Variants in ADAMTS20 observed in about 807,000 individuals in gnomAD.
ADAMTS20 encodes the protein A disintegrin and metalloproteinase with thrombospondin motifs 20.
A neutral mutation model predicts 260.1 loss-of-function variants in ADAMTS20; 225 were observed. The observed-to-expected ratio is 0.87, with a 90% CI of 0.78 to 0.97. The LOEUF is 0.97. Ranked by LOEUF, ADAMTS20 falls within the 50% of genes least tolerant of loss-of-function variation. ADAMTS20 has a pLI of 0.00. For synonymous variants in ADAMTS20, 802 were observed against 769.5 expected, an observed-to-expected ratio of 1.04 and a Z score of -0.70; for missense variants, 2,400 against 2,337.7, an observed-to-expected ratio of 1.03 and a Z score of -0.55.
chr12:43,375,500 T>A lies in ADAMTS20; in HGVS notation c.5325A>T (p.Pro1775=). The change falls in exon 36 of 39, where the codon CCA becomes CCT. Residue 1775 remains proline, a synonymous_variant. Transcript: ENST00000389420. ...TACTCCCATTAAAAGGACATTGATA[T>A]GGATTTTTTAGTCTGTAACAACATT... The part of the protein sequence containing the change: ...SEVYGFRLKN[P]YQCPFNGSRR... 6.2e-7 allele frequency: 1 copy of A among 1,613,378 alleles called. No individual in the cohort carries two copies. Among genetic ancestry groups the A allele is most frequent in the Non-Finnish European group, 8.5e-7 (1 of 1,179,538 alleles).
chr12:43,459,388 T>C (rs1462961030), intron 11 of ADAMTS20, among the ~76,000 whole-genome samples: 1 of 152,216 alleles, frequency 6.6e-6, no homozygotes, highest in African/African-American at 2.4e-5. Flanking sequence ...CCATGACCCA[T>C]GGCTTCTAAC....
rs1300547848 is a variant in ADAMTS20 at position 43,468,595 on chromosome 12, C to T, written c.1223+5G>A. The T allele has an allele frequency of 1.3e-6, 2 of 1,568,034 alleles. No homozygotes were observed. Among genetic ancestry groups the T allele is most frequent in the Non-Finnish European group, 1.7e-6 (2 of 1,145,198 alleles). The stretch of plus-strand genomic sequence containing the variant: ...CACATTAAGGAGGTGACAGAAGGTA[C>T]TTACGTGTGCCCAAGCTCATGGGCT... On this transcript the variant is annotated splice_donor_5th_base_variant and intron_variant, in intron 8 of 38. Coordinates refer to ENST00000389420, the MANE Select transcript of ADAMTS20 (RefSeq NM_025003.5).
chr12:43,422,621 A>G (rs547232879), intron 28 of ADAMTS20, among the ~76,000 whole-genome samples: 12 of 152,164 alleles, frequency 7.9e-5, no homozygotes, highest in African/African-American at 2.2e-4. Context: ...TTCTATACAA[A>G]CCTTTATTGT....
At chr12:43,538,636 G>A (rs1943329881) in intron 2 of ADAMTS20, among the ~76,000 whole-genome samples, 1 of 152,104 alleles carries the variant, frequency 6.6e-6, no homozygotes, top group African/African-American at 2.4e-5. Context: ...TCTTGTAGTA[G>A]TTTAATAGTT....
At chr12:43,358,600 A>T (rs1306405423) in intron 37 of ADAMTS20, among the ~76,000 whole-genome samples, 2 of 151,932 alleles carry the variant, frequency 1.3e-5, no homozygotes, top group Non-Finnish European at 2.9e-5. Context: ...GCACTTTGGG[A>T]GGCCGAGACG....
At chr12:43,460,468 T>C (rs1322595439) in intron 11 of ADAMTS20, among the ~76,000 whole-genome samples, 2 of 152,092 alleles carry the variant, frequency 1.3e-5, no homozygotes, top group Admixed American at 6.6e-5. Flanking sequence ...TACAGAGTAA[T>C]TGGAACTTTA....
At chr12:43,404,074 T>A (rs1213855595) in intron 28 of ADAMTS20, among the ~76,000 whole-genome samples, 9 of 152,008 alleles carry the variant, frequency 5.9e-5, no homozygotes, top group Non-Finnish European at 1.2e-4. Flanking sequence ...CTTACAGAAT[T>A]TTTTTAGCAT....
intron 28 of ADAMTS20, among the ~76,000 whole-genome samples, chr12:43,406,274 C>A (rs1201537705): frequency 6.6e-6 from 1 of 152,036 alleles, no homozygotes; most frequent in East Asian, 1.9e-4. Context: ...TATCAGTGAA[C>A]TTTTCAACAT....
At chr12:43,360,408 TACTGCATACCAGCCTGGGCG>T (rs1194969386) in intron 37 of ADAMTS20, among the ~76,000 whole-genome samples, 4 of 152,032 alleles carry the variant, frequency 2.6e-5, no homozygotes, top group African/African-American at 9.7e-5. Context: ...GAGATTGTGC[TACTGCATACCAGCCTGGGCG>T]ACAGAGCACG....
Position 43,383,994 on chromosome 12 carries a change from T to A in ADAMTS20, c.4453-17A>T. On this transcript the variant is annotated splice_polypyrimidine_tract_variant and intron_variant, in intron 29 of 38. Coordinates refer to ENST00000389420, the MANE Select transcript of ADAMTS20 (RefSeq NM_025003.5). ...CACAGAGCACTACAAAGGAGTCCAG[T>A]TGATTTGAACAATTAGCTAATAAAT... is the stretch of plus-strand genomic sequence containing the variant. The A allele has an allele frequency of 6.3e-7, 1 of 1,585,954 alleles. No individual in the cohort carries two copies. Among genetic ancestry groups the A allele is most frequent in the Non-Finnish European group, 8.6e-7 (1 of 1,164,900 alleles).
chr12:43,448,605 C>T (rs776151255), intron 14 of ADAMTS20, among the ~76,000 whole-genome samples: 3 of 152,008 alleles, frequency 2.0e-5, no homozygotes, highest in African/African-American at 4.8e-5. Flanking sequence ...ATGAAGACAC[C>T]GAAAGCAATT....
At chr12:43,372,436 G>T (rs1940126981) in intron 36 of ADAMTS20, among the ~76,000 whole-genome samples, 2 of 152,138 alleles carry the variant, frequency 1.3e-5, no homozygotes, top group Admixed American at 6.5e-5. Context: ...ACTGTTTCCT[G>T]GAAGTGACAT....
At chr12:43,549,136 G>A (rs1316308067) in intron 2 of ADAMTS20, among the ~76,000 whole-genome samples, 1 of 151,606 alleles carries the variant, frequency 6.6e-6, no homozygotes, top group African/African-American at 2.4e-5. Flanking sequence ...TTTTATTAAT[G>A]AGTACATTGC....
chr12:43,449,805 C>G (rs1192342288), intron 14 of ADAMTS20, among the ~76,000 whole-genome samples: 1 of 151,972 alleles, frequency 6.6e-6, no homozygotes, highest in Non-Finnish European at 1.5e-5. Flanking sequence ...ATTTAAAAAG[C>G]CAAGTTTATT....
intron 3 of ADAMTS20, among the ~76,000 whole-genome samples, chr12:43,513,298 C>A (rs1448244007): frequency 6.6e-6 from 1 of 152,154 alleles, no homozygotes; most frequent in Non-Finnish European, 1.5e-5. Flanking sequence ...CTCAAGAAAC[C>A]AACCCATAGG....
intron 3 of ADAMTS20, among the ~76,000 whole-genome samples, chr12:43,519,110 T>C (rs1395532473): frequency 6.6e-6 from 1 of 152,142 alleles, no homozygotes; most frequent in Non-Finnish European, 1.5e-5. Flanking sequence ...CTATGCTCCA[T>C]ATCTGACAGT....
rs779517298 is a variant in ADAMTS20 at position 43,434,363 on chromosome 12, G to T, written c.2602C>A (p.Arg868=). The change falls in exon 19 of 39, where the codon CGA becomes AGA. Residue 868 remains arginine (R), a synonymous_variant. Coordinates refer to ENST00000389420, the MANE Select transcript of ADAMTS20 (RefSeq NM_025003.5). The stretch of plus-strand genomic sequence containing the variant: ...TTATGTATGCAAGTTATGTTTCTTC[G>T]CTGAAGACCTTGGCCAAAGTCAAAT... ...GCTKMCQGLQ[R]RNITCIHKSD... The T allele has an allele frequency of 1.9e-6, 3 of 1,580,286 alleles. No homozygotes were observed. The highest frequency in any genetic ancestry group is 2.6e-6 in the Non-Finnish European group (3 of 1,162,972).
In ADAMTS20 at chr12:43,376,577, A is replaced by T. The variant is rs1471969705; in HGVS notation, c.5072T>A (p.Leu1691Ter). 2 of 1,613,562 alleles carry T rather than the reference A, an allele frequency of 1.2e-6. No homozygotes were observed. Among genetic ancestry groups the T allele is most frequent in the Non-Finnish European group, 1.7e-6 (2 of 1,179,730 alleles). ...CITKHGLSSD[L>*]CLNHLKPGAQ... ...ACCTGGTTTTAAATGGTTTAAACAT[A>T]AGTCACTGGACAAACCATGTTTGGT... is the stretch of plus-strand genomic sequence containing the variant. The change falls in exon 33 of 39, where the codon TTA (leucine) becomes TAA (stop). Residue 1691 changes from leucine (L) to a stop codon, truncating the protein, a stop_gained. Coordinates refer to ENST00000389420, the MANE Select transcript of ADAMTS20 (RefSeq NM_025003.5). LOFTEE classifies it high-confidence loss of function.
intron 14 of ADAMTS20, 54 bp downstream of exon 14, chr12:43,452,220 A>C: frequency 1.3e-6 from 2 of 1,524,820 alleles, no homozygotes; most frequent in Non-Finnish European, 1.8e-6. Context: ...AATCGAAAAA[A>C]AACATTATTC....
Sources: gnomAD v4.1 joint callset for allele counts (sites outside exome capture counted in the v4.1 genomes callset) on GRCh38, gnomAD v4.1.1 for gene constraint, MANE v1.5 for transcripts, NCBI Gene and HGNC (gene_info 2026-07-23, HGNC 2026-07-21) for gene names.